The following LIN7A variants were observed in gnomAD, a reference collection of about 807,000 sequenced individuals.
LIN7A encodes the protein protein lin-7 homolog A.
In LIN7A, 25 loss-of-function variants were observed where a neutral mutation model predicts 29.8. The observed-to-expected ratio is 0.84, with a 90% CI of 0.61 to 1.17. The LOEUF (loss-of-function observed/expected upper bound fraction) is 1.17, where lower values mean the gene tolerates loss of function less well. Ranked by LOEUF, LIN7A falls within the 50% of genes most tolerant of loss-of-function variation. The pLI is 0.00. For synonymous variants in LIN7A, 118 were observed against 107.5 expected, an observed-to-expected ratio of 1.10 and a Z score of -0.60; for missense variants, 239 against 287.0, an observed-to-expected ratio of 0.83 and a Z score of 1.21.
intron 4 of LIN7A, among the ~76,000 whole-genome samples, chr12:80,832,961 G>T (rs1202787412): frequency 6.6e-6 from 1 of 152,094 alleles, no homozygotes; most frequent in Non-Finnish European, 1.5e-5. Context: ...ATTCTACAAT[G>T]CACAGAATGG....
chr12:80,839,152 C>A (rs1872702254), intron 4 of LIN7A, among the ~76,000 whole-genome samples: 1 of 152,118 alleles, frequency 6.6e-6, no homozygotes, highest in African/African-American at 2.4e-5. Context: ...TATGCAAACC[C>A]ATAAAGGCTA....
chr12:80,878,561 T>G (rs1443151607), intron 2 of LIN7A, among the ~76,000 whole-genome samples: 1 of 152,130 alleles, frequency 6.6e-6, no homozygotes, highest in African/African-American at 2.4e-5. Context: ...AGCAGCAAGA[T>G]TTATTCTGAA....
intron 4 of LIN7A, among the ~76,000 whole-genome samples, chr12:80,828,407 T>C (rs1872186140): frequency 6.6e-6 from 1 of 152,134 alleles, no homozygotes; most frequent in Admixed American, 6.5e-5. Context: ...AAAAGGTCTA[T>C]GTACAGATGA....
At position 80,823,169 on chromosome 12, in the gene LIN7A, G is replaced by A. The variant is rs370148204; in HGVS notation, c.484-11486C>T. ...ACCTACCTCATTCTTCCTGGACATA[G>A]GACAAGAACTTGGGACCTGCCAAAT... On this transcript the variant is annotated intron_variant, in intron 4 of 5. Coordinates refer to ENST00000552864, the MANE Select transcript of LIN7A (RefSeq NM_004664.4). Among the ~76,000 whole-genome samples the A allele has an allele frequency of 1.3e-4, 20 of 152,310 alleles. No homozygotes were observed. In the South Asian group the frequency reaches 4.1e-3, roughly 32 times the overall value.
intron 2 of LIN7A, among the ~76,000 whole-genome samples, chr12:80,851,627 C>T (rs1873338252): frequency 6.6e-6 from 1 of 151,950 alleles, no homozygotes; most frequent in Admixed American, 6.6e-5. Context: ...AGTATTTTAC[C>T]AGATACCCTG....
intron 1 of LIN7A, among the ~76,000 whole-genome samples, chr12:80,901,592 C>T (rs1217691160): frequency 2.6e-5 from 4 of 151,866 alleles, no homozygotes; most frequent in African/African-American, 9.7e-5. Context: ...TTATAGTGTT[C>T]AGGGAATTGG....
intron 2 of LIN7A, among the ~76,000 whole-genome samples, chr12:80,878,596 G>C (rs898579187): frequency 1.3e-5 from 2 of 152,198 alleles, no homozygotes; most frequent in African/African-American, 4.8e-5. Flanking sequence ...TACTTCCACA[G>C]TACGGAAAGA....
At chr12:80,860,322 A>G (rs1441389480) in intron 2 of LIN7A, among the ~76,000 whole-genome samples, 1 of 152,242 alleles carries the variant, frequency 6.6e-6, no homozygotes, top group East Asian at 1.9e-4. Context: ...TTAGTATTTC[A>G]GAAAAATTGA....
intron 1 of LIN7A, 126 bp from the exon 2 acceptor site, chr12:80,889,495 T>G (rs1225746678): frequency 4.8e-6 from 3 of 629,734 alleles, no homozygotes; most frequent in Non-Finnish European, 8.3e-6. Context: ...TAATCAGAAC[T>G]TATATTCATA....
Position 80,792,903 on chromosome 12 carries a change from A to G in LIN7A, c.*4824T>C, listed in dbSNP as rs1316691004. 1 of 152,202 alleles carries G rather than the reference A, an allele frequency of 6.6e-6. No homozygotes were observed. The highest frequency in any genetic ancestry group is 2.4e-5 in the African/African-American group (1 of 41,458). 9.4% of individuals were successfully genotyped at this position (152,202 alleles called of 1,614,324 possible). A position where few individuals can be genotyped will look rare whatever the true frequency, so the allele number is the denominator to read the frequency against. On this transcript the variant is annotated 3_prime_UTR_variant, in exon 6 of 6. Coordinates refer to ENST00000552864, the MANE Select transcript of LIN7A (RefSeq NM_004664.4). ...GCTTCACATATTCTTCTTAAGAGTA[A>G]GCTATAACATAAGATTGAGTTCCCA...
At chr12:80,878,643 A>G (rs1445046425) in intron 2 of LIN7A, among the ~76,000 whole-genome samples, 1 of 152,234 alleles carries the variant, frequency 6.6e-6, no homozygotes, top group Non-Finnish European at 1.5e-5. Context: ...GGACGTGGCC[A>G]GCTTTTATTC....
At chr12:80,900,212 G>A (rs1876139798) in intron 1 of LIN7A, among the ~76,000 whole-genome samples, 1 of 151,998 alleles carries the variant, frequency 6.6e-6, no homozygotes, top group Admixed American at 6.6e-5. Context: ...CAAAAAACAA[G>A]CTCCTGAATT....
chr12:80,925,856 C>A (rs1363946236), intron 1 of LIN7A, among the ~76,000 whole-genome samples: 1 of 152,232 alleles, frequency 6.6e-6, no homozygotes, highest in Non-Finnish European at 1.5e-5. Context: ...TCCATTATCT[C>A]ATTTAATCCT....
intron 5 of LIN7A, among the ~76,000 whole-genome samples, chr12:80,806,708 G>A (rs145478349): frequency 7.2e-5 from 11 of 152,318 alleles, no homozygotes; most frequent in African/African-American, 2.6e-4. Flanking sequence ...TTTCTCAGAA[G>A]CAACTGTAGT....
intron 1 of LIN7A, among the ~76,000 whole-genome samples, chr12:80,934,409 T>C (rs1271369512): frequency 6.6e-6 from 1 of 151,978 alleles, no homozygotes; most frequent in Non-Finnish European, 1.5e-5. Context: ...TCAAAAAGAG[T>C]TTTGGATAGG....
chr12:80,807,092 G>GTTTTTTTTTTTT (rs1280579757), intron 5 of LIN7A, among the ~76,000 whole-genome samples: 1 of 12,542 alleles, frequency 8.0e-5, no homozygotes, highest in African/African-American at 3.0e-4. Flanking sequence ...TTTTTTTTTT[G>GTTTTTTTTTTTT]ACGGAGTCTC....
chr12:80,807,595 G>C (rs1344590688), intron 5 of LIN7A, among the ~76,000 whole-genome samples: 4 of 152,102 alleles, frequency 2.6e-5, no homozygotes, highest in African/African-American at 9.7e-5. Context: ...AGGAGAATTG[G>C]TATAAGTCTA....
chr12:80,907,055 C>CTCTGTGTGTGTGTG (rs1555228957), intron 1 of LIN7A, among the ~76,000 whole-genome samples: 54 of 145,384 alleles, frequency 3.7e-4, no homozygotes, highest in East Asian at 3.2e-3. Context: ...AGTGCGTGCT[C>CTCTGTGTGTGTGTG]TGTGTGTGTG....
At chr12:80,852,996 A>T (rs1277240232) in intron 2 of LIN7A, among the ~76,000 whole-genome samples, 3 of 152,130 alleles carry the variant, frequency 2.0e-5, no homozygotes, top group Non-Finnish European at 4.4e-5. Flanking sequence ...GCAACCTTCA[A>T]CTTCAGAGAG....
Sources: allele counts gnomAD v4.1 joint callset (sites outside exome capture counted in the v4.1 genomes callset), GRCh38; gene constraint gnomAD v4.1.1; transcripts MANE v1.5; gene names NCBI Gene and HGNC (gene_info 2026-07-23, HGNC 2026-07-21).